Variants in TSNARE1 observed in about 807,000 individuals in gnomAD.
The protein encoded by TSNARE1 is t-SNARE domain containing 1.
TSNARE1 carries 49 observed loss-of-function variants against 62.0 expected under a neutral mutation model. That is an observed-to-expected ratio of 0.79 (90% CI 0.63 to 1.00). The LOEUF is 1.00. Among genes scored for constraint, TSNARE1 ranks in the 50% least tolerant of loss-of-function variants. TSNARE1 has a pLI of 0.00. For missense variants in TSNARE1, 755 were observed against 700.1 expected (o/e 1.08, Z -0.88); for synonymous variants, 328 against 294.4 (o/e 1.11, Z -1.17).
chr8:142,389,511 C>A (rs1837335291), intron 1 of TSNARE1, among the ~76,000 whole-genome samples: 1 of 152,190 alleles, frequency 6.6e-6, no homozygotes, highest in Non-Finnish European at 1.5e-5. Flanking sequence ...ATGTGCAAAG[C>A]AGCATATGAA....
intron 13 of TSNARE1, among the ~76,000 whole-genome samples, chr8:142,227,481 G>A (rs1464482338): frequency 2.6e-5 from 4 of 151,424 alleles, no homozygotes; most frequent in South Asian, 2.1e-4. Context: ...TGGCAGCCAG[G>A]CCCCCATTCC....
rs187612299 is a variant in TSNARE1, at chr8:142,352,470, G to A, written c.88+2167C>T. 6.1e-3 allele frequency among the ~76,000 whole-genome samples: 927 copies of A among 152,374 alleles called. 9 individuals are homozygous for A. Among genetic ancestry groups the A allele is most frequent in the African/African-American group, 0.021 (862 of 41,592 alleles). On this transcript the variant is annotated intron_variant, in intron 2 of 13. Transcript: ENST00000524325. The stretch of plus-strand genomic sequence containing the variant: ...GCCCAGCCCAGGAACGCCACGCCCC[G>A]TGTACCTGCAGAGGCCCTGGCCATG...
At chr8:142,312,854 T>A (rs535727539) in intron 9 of TSNARE1, among the ~76,000 whole-genome samples, 1 of 152,230 alleles carries the variant, frequency 6.6e-6, no homozygotes, top group East Asian at 1.9e-4. Flanking sequence ...CTCAATAAGC[T>A]GAGACACAAG....
chr8:142,395,653 G>T (rs993868250), intron 1 of TSNARE1, among the ~76,000 whole-genome samples: 2 of 152,208 alleles, frequency 1.3e-5, no homozygotes, highest in Admixed American at 6.5e-5. Flanking sequence ...CGGCGAAAAC[G>T]CCCAGGTACC....
chr8:142,282,917 A>C (rs1485139222), intron 11 of TSNARE1, among the ~76,000 whole-genome samples: 10 of 145,318 alleles, frequency 6.9e-5, no homozygotes. Context: ...GTGTCTGTCA[A>C]TGAGCGGAGG....
chr8:142,330,932 G>A lies in TSNARE1; in HGVS notation c.862C>T (p.Pro288Ser). ...LERSLQSLGTPSDTQELRDSL... is the reference protein window; with the variant it reads ...LERSLQSLGTSSDTQELRDSL... ...TCCCGAAGCTCCTGCGTGTCACTCG[G>A]TGTCCCTAAGGACTGAAGGCTCCGC... The change falls in exon 6 of 14, where the codon CCG becomes TCG. Residue 288 changes from proline to serine, a missense_variant. By Grantham distance (74) the Pro-to-Ser change is moderately conservative (BLOSUM62 -1). Transcript: ENST00000524325. 7 of 1,614,108 alleles carry A rather than the reference G, an allele frequency of 4.3e-6. No homozygotes were observed. Among genetic ancestry groups the A allele is most frequent in the Non-Finnish European group, 5.9e-6 (7 of 1,179,992 alleles).
At chr8:142,392,531 T>A (rs1437824533) in intron 1 of TSNARE1, among the ~76,000 whole-genome samples, 1 of 152,190 alleles carries the variant, frequency 6.6e-6, no homozygotes, top group Non-Finnish European at 1.5e-5. Flanking sequence ...CATCAGGACA[T>A]CACCAGGTGA....
chr8:142,271,709 G>C, intron 12 of TSNARE1: 2 of 1,354,498 alleles, frequency 1.5e-6, no homozygotes, highest in Non-Finnish European at 1.9e-6. Flanking sequence ...AGGGAGACAG[G>C]AAAATGTCAG....
At chr8:142,280,276 G>A (rs980005128) in intron 11 of TSNARE1, 67 of 985,344 alleles carry the variant, frequency 6.8e-5, no homozygotes, top group African/African-American at 2.6e-4. Context: ...TGCCGCGGCC[G>A]GCTCGGGGCT....
At chr8:142,377,390 G>A (rs929985209) in intron 1 of TSNARE1, among the ~76,000 whole-genome samples, 3 of 150,212 alleles carry the variant, frequency 2.0e-5, no homozygotes, top group Admixed American at 6.6e-5. Flanking sequence ...ATGCAACATA[G>A]GCAAAATTAA....
At chr8:142,256,117 ATCACCACCATCATCACCG>A (rs1818515981) in intron 12 of TSNARE1, among the ~76,000 whole-genome samples, 1 of 125,804 alleles carries the variant, frequency 7.9e-6, no homozygotes, top group Non-Finnish European at 1.7e-5. Flanking sequence ...CACCATCACC[ATCACCACCATCATCACCG>A]TCACCACCAC....
intron 11 of TSNARE1, among the ~76,000 whole-genome samples, chr8:142,282,933 C>T (rs1467603726): frequency 6.9e-6 from 1 of 145,768 alleles, no homozygotes; most frequent in African/African-American, 2.6e-5. Flanking sequence ...GGAGGTGGGG[C>T]CACTGTCTGT....
At chr8:142,265,725 C>T (rs1364783100) in intron 12 of TSNARE1, among the ~76,000 whole-genome samples, 4 of 152,184 alleles carry the variant, frequency 2.6e-5, no homozygotes, top group African/African-American at 7.2e-5. Context: ...AGTGCATGAG[C>T]GAGCCATTTC....
chr8:142,217,552 G>A (rs1002762109), intron 13 of TSNARE1, among the ~76,000 whole-genome samples: 2 of 152,162 alleles, frequency 1.3e-5, no homozygotes, highest in Non-Finnish European at 2.9e-5. Flanking sequence ...CTTGAACTGG[G>A]TTTATCACCT....
intron 4 of TSNARE1, among the ~76,000 whole-genome samples, chr8:142,340,574 A>G (rs946531370): frequency 3.3e-5 from 5 of 152,192 alleles, no homozygotes; most frequent in African/African-American, 1.2e-4. Context: ...TAAAAGGGTG[A>G]AACGACAAAC....
chr8:142,385,149 A>C (rs1480529202), intron 1 of TSNARE1, among the ~76,000 whole-genome samples: 1 of 152,106 alleles, frequency 6.6e-6, no homozygotes. Flanking sequence ...GGCACTTATA[A>C]AGGGAGGAAA....
chr8:142,324,625 T>C (rs909394189), intron 6 of TSNARE1, among the ~76,000 whole-genome samples: 1 of 152,222 alleles, frequency 6.6e-6, no homozygotes, highest in African/African-American at 2.4e-5. Context: ...TTTACTCCCA[T>C]GACCACCTGT....
intron 1 of TSNARE1, among the ~76,000 whole-genome samples, chr8:142,401,223 A>C (rs994377033): frequency 6.6e-6 from 1 of 151,608 alleles, no homozygotes; most frequent in Non-Finnish European, 1.5e-5. Flanking sequence ...TATTCATCAA[A>C]ACCTGCTAGG....
At chr8:142,395,012 G>A (rs1188355726) in intron 1 of TSNARE1, among the ~76,000 whole-genome samples, 1 of 152,154 alleles carries the variant, frequency 6.6e-6, no homozygotes, top group African/African-American at 2.4e-5. Flanking sequence ...GCTGCTCTGG[G>A]AATTCAGGAC....
Sources: gnomAD v4.1 joint callset for allele counts (sites outside exome capture counted in the v4.1 genomes callset) on GRCh38, gnomAD v4.1.1 for gene constraint, MANE v1.5 for transcripts, NCBI Gene and HGNC (gene_info 2026-07-23, HGNC 2026-07-21) for gene names.